The following TMPRSS9 variants were observed in gnomAD, a reference collection of about 807,000 sequenced individuals.
The protein encoded by TMPRSS9 is transmembrane protease serine 9.
Under a neutral mutation model 111.4 loss-of-function variants are expected in TMPRSS9, and 113 were observed. That is an observed-to-expected ratio of 1.01 (90% confidence interval 0.87 to 1.19). The LOEUF is 1.19. Ranked by LOEUF, TMPRSS9 falls within the 50% of genes most tolerant of loss-of-function variation. The probability of loss-of-function intolerance (pLI) is 0.00; values close to 1 mark genes in which losing one functional copy is unlikely to be tolerated. For missense variants in TMPRSS9, 1,803 were observed against 1,513.1 expected (o/e 1.19, Z -3.18); for synonymous variants, 805 against 659.1 (o/e 1.22, Z -3.39).
At chr19:2,393,929 G>A (rs1360190478) in intron 1 of TMPRSS9, among the ~76,000 whole-genome samples, 1 of 146,372 alleles carries the variant, frequency 6.8e-6, no homozygotes, top group Middle Eastern at 3.4e-3. Flanking sequence ...AAAGCTGGGC[G>A]CGGTGGCTCC....
At chr19:2,422,152 C>T in exon 14 of TMPRSS9, 1 of 1,589,144 alleles carries the variant, frequency 6.3e-7, no homozygotes, top group Non-Finnish European at 8.6e-7. Context: ...ACGGGCCAAC[C>T]TGCCAACTCA....
chr19:2,392,469 C>T (rs4807253), intron 1 of TMPRSS9, among the ~76,000 whole-genome samples: 37,473 of 150,966 alleles, frequency 0.25, 5,913 homozygotes, highest in East Asian at 0.57. Context: ...CTCTCTGGGA[C>T]GCTGAAACGG....
At chr19:2,364,173 C>A (rs953281112) in intron 1 of TMPRSS9, among the ~76,000 whole-genome samples, 1 of 150,966 alleles carries the variant, frequency 6.6e-6, no homozygotes, top group Admixed American at 6.6e-5. Flanking sequence ...CGGAGTGAGA[C>A]CCTGTCTCAA....
exon 18 of TMPRSS9, chr19:2,426,079 C>G: frequency 6.2e-7 from 1 of 1,605,278 alleles, no homozygotes; most frequent in Non-Finnish European, 8.5e-7. Context: ...GACAGCACAT[C>G]CAGGAGTGAC....
intron 1 of TMPRSS9, among the ~76,000 whole-genome samples, chr19:2,378,998 A>G (rs966538658): frequency 6.6e-6 from 1 of 152,116 alleles, no homozygotes; most frequent in African/African-American, 2.4e-5. Context: ...AGTCCCTCCC[A>G]TGACACATGG....
At position 2,418,337 on chromosome 19, in the gene TMPRSS9, T is replaced by TTCAC. The variant is rs1230265801; in HGVS notation, c.2154+201_2154+202insACTC. ...TCCCTCCCTCCCTCCCTCCCTTTCC[T>TTCAC]TCCCTCCCTTTCCCTCCCTCCCTCC... On this transcript the variant is annotated intron_variant, in intron 13 of 17. Transcript: ENST00000648592. Among the ~76,000 whole-genome samples, 3 of 30,138 alleles carry TTCAC rather than the reference T, an allele frequency of 1.0e-4. No homozygotes were observed. The East Asian group carries it at 3.8e-3, about 38-fold the overall frequency. The allele number at this position is 30,138 out of a possible 152,430, so 19.8% of individuals were successfully genotyped here. A position where few individuals can be genotyped will look rare whatever the true frequency, so the allele number is the denominator to read the frequency against.
intron 1 of TMPRSS9, among the ~76,000 whole-genome samples, chr19:2,374,184 G>A (rs1333908298): frequency 6.7e-6 from 1 of 148,516 alleles, no homozygotes; most frequent in Non-Finnish European, 1.5e-5. Context: ...TTGTATTCAC[G>A]GTGACAAGGA....
intron 7 of TMPRSS9, among the ~76,000 whole-genome samples, chr19:2,407,033 C>T (rs949959221): frequency 6.6e-6 from 1 of 151,694 alleles, no homozygotes; most frequent in Non-Finnish European, 1.5e-5. Context: ...CTCCTGGCCT[C>T]AAGTGATCTG....
At chr19:2,372,485 T>C (rs1293211282) in intron 1 of TMPRSS9, among the ~76,000 whole-genome samples, 1 of 152,122 alleles carries the variant, frequency 6.6e-6, no homozygotes, top group East Asian at 1.9e-4. Context: ...TCCTTCTACC[T>C]GTGTATTTCA....
At chr19:2,419,186 C>G (rs1395852597) in intron 13 of TMPRSS9, among the ~76,000 whole-genome samples, 1 of 129,568 alleles carries the variant, frequency 7.7e-6, no homozygotes, top group Non-Finnish European at 1.6e-5. Context: ...CTTTCCTTCT[C>G]TCTCTCTCTC....
At chr19:2,398,883 G>A (rs1599293583) in intron 3 of TMPRSS9, 21 bp downstream of exon 4, 1 of 1,529,226 alleles carries the variant, frequency 6.5e-7, no homozygotes, top group African/African-American at 1.4e-5. Context: ...GCTTCCATTG[G>A]GTGAAGGAAA....
At chr19:2,379,147 C>T (rs1330092205) in intron 1 of TMPRSS9, among the ~76,000 whole-genome samples, 4 of 149,314 alleles carry the variant, frequency 2.7e-5, no homozygotes, top group Admixed American at 1.3e-4. Flanking sequence ...TCTCCAGCAA[C>T]GTGTGTCCTA....
At chr19:2,387,384 A>G (rs1388290591), upstream of TMPRSS9, among the ~76,000 whole-genome samples, 1 of 152,042 alleles carries the variant, frequency 6.6e-6, no homozygotes, top group East Asian at 1.9e-4. Flanking sequence ...AATCCCAGCT[A>G]TTGGGGAGGC....
chr19:2,414,057 C>T (rs375359298), intron 10 of TMPRSS9, 39 bp downstream of exon 11: 29 of 1,484,332 alleles, frequency 2.0e-5, no homozygotes, highest in African/African-American at 2.8e-5. Context: ...GATGTACGTG[C>T]CTATCTTGAT....
chr19:2,415,697 A>G, exon 11 of TMPRSS9: 3 of 1,605,410 alleles, frequency 1.9e-6, no homozygotes, highest in Non-Finnish European at 2.6e-6. Context: ...GCAATGGAGA[A>G]GCCCACCCGG....
intron 9 of TMPRSS9, among the ~76,000 whole-genome samples, chr19:2,412,312 G>A (rs760691409): frequency 2.8e-4 from 42 of 152,156 alleles, no homozygotes; most frequent in Non-Finnish European, 5.3e-4. Flanking sequence ...GCTGAGGTGG[G>A]AGGATTATTT....
Position 2,363,780 on chromosome 19 carries a change from C to CTGTGTG in TMPRSS9, c.-26+3423_-26+3428dup, listed in dbSNP as rs200595061. On this transcript the variant is annotated intron_variant, in intron 1 of 17. Coordinates refer to the TMPRSS9 transcript ENST00000649857. ...AGGAGTCACTAGAATTCCAAGAACT[C>CTGTGTG]TGTGTGTGAGTGTGTGTGTGTGTGC... Among the ~76,000 whole-genome samples, 81 of 119,190 alleles carry CTGTGTG rather than the reference C, an allele frequency of 6.8e-4. 1 individual carries two copies. Among genetic ancestry groups the CTGTGTG allele is most frequent in the African/African-American group, 2.4e-3 (62 of 25,784 alleles). The allele number at this position is 119,190 out of a possible 152,430, so 78.2% of individuals were successfully genotyped here.
chr19:2,405,410 G>A, exon 7 of TMPRSS9: 11 of 1,606,496 alleles, frequency 6.8e-6, no homozygotes, highest in Non-Finnish European at 9.3e-6. Context: ...ATGGCCGGCA[G>A]GATCGTGGGC....
At chr19:2,410,309 C>A (rs780691347) in exon 9 of TMPRSS9, 1 of 1,614,056 alleles carries the variant, frequency 6.2e-7, no homozygotes, top group South Asian at 1.1e-5. Context: ...CTGGACCAGG[C>A]ACTGTGTGCC....
Sources: gnomAD v4.1 joint callset for allele counts (sites outside exome capture counted in the v4.1 genomes callset) on GRCh38, gnomAD v4.1.1 for gene constraint, MANE v1.5 for transcripts, NCBI Gene and HGNC (gene_info 2026-07-23, HGNC 2026-07-21) for gene names.